Variants in TMEM117 observed in about 807,000 individuals in gnomAD.
The protein encoded by TMEM117 is transmembrane protein 117.
In TMEM117, 27 loss-of-function variants were observed where a neutral mutation model predicts 52.4. The observed-to-expected ratio is 0.51, with a 90% confidence interval of 0.38 to 0.71. TMEM117 has a LOEUF of 0.71. Ranked by LOEUF, TMEM117 falls within the 30% of genes least tolerant of loss-of-function variation. The pLI is 0.00. For synonymous variants in TMEM117, 215 were observed against 206.3 expected (o/e 1.04, Z -0.36); for missense variants, 556 against 630.5 (o/e 0.88, Z 1.26).
At chr12:44,155,175 A>G (rs559716759) in intron 4 of TMEM117, among the ~76,000 whole-genome samples, 23 of 152,266 alleles carry the variant, frequency 1.5e-4, no homozygotes, top group African/African-American at 5.3e-4. Context: ...TCAAATTTTG[A>G]TGTTGCAAAA....
chr12:44,121,284 T>C (rs1948229944), intron 3 of TMEM117, among the ~76,000 whole-genome samples: 2 of 152,180 alleles, frequency 1.3e-5, no homozygotes, highest in Non-Finnish European at 2.9e-5. Flanking sequence ...AAGTATCTTT[T>C]GGAGTATGAG....
chr12:43,973,135 G>A (rs1489494148), intron 3 of TMEM117, among the ~76,000 whole-genome samples: 4 of 151,978 alleles, frequency 2.6e-5, no homozygotes, highest in African/African-American at 9.7e-5. Flanking sequence ...TAATTCCTAG[G>A]GTTTCATGAA....
rs1264179472 is a variant in TMEM117, at chr12:44,090,839, G to GTTTTTTTTTTTTTTTTTT, written c.411-52677_411-52676insTTTTTTTTTTTTTTTTTT. On this transcript the variant is annotated intron_variant, in intron 3 of 7. Transcript: ENST00000266534. ...CTAATTCTTAATCCTGTATTTATGT[G>GTTTTTTTTTTTTTTTTTT]TTTTTTTTTGTTTTTTTTTTTTTTT... Among the ~76,000 whole-genome samples, 16 of 104,798 alleles carry GTTTTTTTTTTTTTTTTTT rather than the reference G, an allele frequency of 1.5e-4. 4 individuals are homozygous for GTTTTTTTTTTTTTTTTTT. The highest frequency in any genetic ancestry group is 7.2e-4 in the African/African-American group (16 of 22,116). The allele number at this position is 104,798 out of a possible 152,430, so 68.8% of individuals were successfully genotyped here.
chr12:44,389,065 T>TGAGACG lies in TMEM117; in HGVS notation c.*393_*394insGAGACG. On this transcript the variant is annotated 3_prime_UTR_variant, in exon 8 of 8. Coordinates refer to ENST00000266534, the MANE Select transcript of TMEM117 (RefSeq NM_032256.3). Reference sequence around the variant, plus strand: ...ACCTATTTCACATGGGCGTTTTGTATACAACTATTTTGATCTACACTTGAT... The same window carrying TGAGACG: ...ACCTATTTCACATGGGCGTTTTGTATGAGACGACAACTATTTTGATCTACACTTGAT... 6.5e-6 allele frequency: 1 copy of TGAGACG among 154,196 alleles called. No individual in the cohort carries two copies. The highest frequency in any genetic ancestry group is 1.4e-5 in the Non-Finnish European group (1 of 70,052). 9.6% of individuals were successfully genotyped at this position (154,196 alleles called of 1,614,324 possible).
At chr12:43,917,519 T>C (rs1423200315) in intron 2 of TMEM117, among the ~76,000 whole-genome samples, 3 of 152,292 alleles carry the variant, frequency 2.0e-5, no homozygotes, top group East Asian at 1.9e-4. Flanking sequence ...GGAGAAGTTA[T>C]GTAACTGTCA....
chr12:43,942,648 T>G (rs913893456), intron 2 of TMEM117, among the ~76,000 whole-genome samples: 2 of 152,138 alleles, frequency 1.3e-5, no homozygotes, highest in Non-Finnish European at 2.9e-5. Flanking sequence ...ATCTCAAGTT[T>G]TAGCTAGGAT....
intron 3 of TMEM117, among the ~76,000 whole-genome samples, chr12:44,006,626 A>G (rs573528261): frequency 6.6e-6 from 1 of 152,330 alleles, no homozygotes; most frequent in African/African-American, 2.4e-5. Flanking sequence ...ATTGACCATT[A>G]TATATGTCAA....
chr12:44,336,938 G>A (rs1293006516), intron 6 of TMEM117, among the ~76,000 whole-genome samples: 1 of 151,968 alleles, frequency 6.6e-6, no homozygotes. Flanking sequence ...GCTGCTGACG[G>A]GAGCAGTATT....
intron 2 of TMEM117, among the ~76,000 whole-genome samples, chr12:43,875,853 A>G (rs1290926161): frequency 1.3e-5 from 2 of 151,962 alleles, no homozygotes; most frequent in East Asian, 1.9e-4. Flanking sequence ...CCCATTATAT[A>G]TTACGTTTTT....
At chr12:44,335,111 G>A (rs1226587453) in intron 6 of TMEM117, among the ~76,000 whole-genome samples, 1 of 151,990 alleles carries the variant, frequency 6.6e-6, no homozygotes, top group Non-Finnish European at 1.5e-5. Flanking sequence ...GTGAGATATG[G>A]AACATTATGG....
intron 4 of TMEM117, among the ~76,000 whole-genome samples, chr12:44,166,354 A>G (rs1373395075): frequency 1.3e-5 from 2 of 152,218 alleles, no homozygotes. Flanking sequence ...AGTAGTGCTA[A>G]CATCTTTAGT....
At chr12:44,226,685 C>G (rs1363864341) in intron 5 of TMEM117, among the ~76,000 whole-genome samples, 1 of 152,026 alleles carries the variant, frequency 6.6e-6, no homozygotes, top group Non-Finnish European at 1.5e-5. Flanking sequence ...TCTGATATGA[C>G]TGGTGTCCGT....
At chr12:43,893,253 C>T (rs573869624) in intron 2 of TMEM117, among the ~76,000 whole-genome samples, 70 of 152,180 alleles carry the variant, frequency 4.6e-4, no homozygotes, top group Admixed American at 1.8e-3. Context: ...GTGTCAAAAA[C>T]GAACTGTAAG....
intron 2 of TMEM117, among the ~76,000 whole-genome samples, chr12:43,910,069 G>A (rs1193444422): frequency 8.6e-6 from 1 of 116,200 alleles, no homozygotes; most frequent in Non-Finnish European, 1.8e-5. Flanking sequence ...CAATATCCTT[G>A]ATGAACATTG....
At chr12:44,011,965 A>G (rs146907148) in intron 3 of TMEM117, among the ~76,000 whole-genome samples, 9 of 152,290 alleles carry the variant, frequency 5.9e-5, no homozygotes, top group African/African-American at 1.2e-4. Flanking sequence ...AGATTTCTTC[A>G]CACTACTTAG....
intron 5 of TMEM117, among the ~76,000 whole-genome samples, chr12:44,269,289 C>G (rs1157376127): frequency 1.3e-5 from 2 of 151,500 alleles, no homozygotes; most frequent in African/African-American, 4.9e-5. Flanking sequence ...CACCCCAATC[C>G]ACACTCCTTA....
At chr12:44,226,800 A>G (rs577369111) in intron 5 of TMEM117, among the ~76,000 whole-genome samples, 1 of 152,250 alleles carries the variant, frequency 6.6e-6, no homozygotes, top group South Asian at 2.1e-4. Flanking sequence ...CCTCAGAAGA[A>G]GCCAACCCTG....
intron 2 of TMEM117, among the ~76,000 whole-genome samples, chr12:43,889,871 G>T (rs558307527): frequency 1.5e-4 from 23 of 152,220 alleles, no homozygotes; most frequent in Admixed American, 1.2e-3. Flanking sequence ...AGTGGTCTTG[G>T]GAAGGGAAGA....
At chr12:44,170,934 C>T (rs1949036320) in intron 4 of TMEM117, among the ~76,000 whole-genome samples, 1 of 151,988 alleles carries the variant, frequency 6.6e-6, no homozygotes, top group Non-Finnish European at 1.5e-5. Flanking sequence ...TCAAATTTTG[C>T]CAATTTTTCC....
Sources: allele counts gnomAD v4.1 joint callset (sites outside exome capture counted in the v4.1 genomes callset), GRCh38; gene constraint gnomAD v4.1.1; transcripts MANE v1.5; gene names NCBI Gene and HGNC (gene_info 2026-07-23, HGNC 2026-07-21).